NAV2: variants seen among roughly 807,000 people sequenced by gnomAD.
NAV2 encodes the protein neuron navigator 2, also known as helicase, APC down-regulated 1.
NAV2 carries 54 observed loss-of-function variants against 223.2 expected under a neutral mutation model. That is an observed-to-expected ratio of 0.24 (90% confidence interval 0.19 to 0.30). NAV2 has a LOEUF of 0.30. Ranked by LOEUF, NAV2 falls within the 10% of genes least tolerant of loss-of-function variation. The probability of loss-of-function intolerance (pLI) is 1.00; values close to 1 mark genes in which losing one functional copy is unlikely to be tolerated. For synonymous variants in NAV2, 1,279 were observed against 1,239.3 expected, an observed-to-expected ratio of 1.03 and a Z score of -0.67; for missense variants, 2,806 against 3,147.5, an observed-to-expected ratio of 0.89 and a Z score of 2.60.
chr11:19,441,438 A>T (rs1423604078), intron 1 of NAV2, among the ~76,000 whole-genome samples: 1 of 140,892 alleles, frequency 7.1e-6, no homozygotes, highest in Non-Finnish European at 1.5e-5. Context: ...GGACACACAC[A>T]CACACACACG....
At chr11:19,550,201 A>G (rs767956176) in intron 1 of NAV2, among the ~76,000 whole-genome samples, 36 of 152,378 alleles carry the variant, frequency 2.4e-4, no homozygotes, top group Admixed American at 1.3e-3. Flanking sequence ...TGACAAAACA[A>G]TATCTAAAGG....
intron 1 of NAV2, among the ~76,000 whole-genome samples, chr11:19,375,909 T>C (rs953507055): frequency 6.6e-6 from 1 of 152,220 alleles, no homozygotes; most frequent in African/African-American, 2.4e-5. Flanking sequence ...AATATCATTA[T>C]AAATATCTTG....
chr11:19,635,160 AGCAGTATC>A (rs1297760709), intron 1 of NAV2, among the ~76,000 whole-genome samples: 3 of 152,210 alleles, frequency 2.0e-5, no homozygotes, highest in African/African-American at 7.2e-5. Context: ...GTGAATATAT[AGCAGTATC>A]GCAGGAAGTG....
At position 19,441,499 on chromosome 11, in the gene NAV2, T is replaced by C. The variant is rs941917485; in HGVS notation, c.75+90472T>C. On this transcript the variant is annotated intron_variant, in intron 1 of 37. Transcript: ENST00000360655. ...CCTTCAACAGGCTGACAATGCCCTG[T>C]GTACAGATAGCAGTAAGAGCATGAA... is the stretch of plus-strand genomic sequence containing the variant. Among the ~76,000 whole-genome samples the C allele has an allele frequency of 3.3e-5, 5 of 151,906 alleles. No individual in the cohort carries two copies. The East Asian group carries it at 9.6e-4, about 29-fold the overall frequency.
intron 8 of NAV2, among the ~76,000 whole-genome samples, chr11:19,944,938 C>G (rs1310721964): frequency 7.0e-6 from 1 of 143,744 alleles, no homozygotes; most frequent in Non-Finnish European, 1.5e-5. Context: ...TTTTCTTCCC[C>G]TTTCCCCTTT....
At chr11:20,075,408 T>C (rs923354278) in intron 22 of NAV2, among the ~76,000 whole-genome samples, 1 of 137,384 alleles carries the variant, frequency 7.3e-6, no homozygotes, top group African/African-American at 2.8e-5. Context: ...TTTGTTTGTT[T>C]GTTTTTGTAT....
rs1221334182 is a variant in NAV2, at chr11:19,977,798, C to CTTTTTTTTT, written c.2646-6312_2646-6304dup. On this transcript the variant is annotated intron_variant, in intron 10 of 37. Transcript: ENST00000349880. ...TCTTTTCAGAGAGGTCAACTTTTTT[C>CTTTTTTTTT]TTTTTTTTTTTTTTTTTTTTTTTGA... is the stretch of plus-strand genomic sequence containing the variant. 6.7e-4 allele frequency among the ~76,000 whole-genome samples: 61 copies of CTTTTTTTTT among 90,748 alleles called. 1 individual carries two copies. The highest frequency in any genetic ancestry group is 8.1e-4 in the Non-Finnish European group (37 of 45,440). 59.5% of individuals were successfully genotyped at this position (90,748 alleles called of 152,430 possible). A position where few individuals can be genotyped will look rare whatever the true frequency, so the allele number is the denominator to read the frequency against.
At chr11:19,410,997 T>A (rs1346333577) in intron 1 of NAV2, among the ~76,000 whole-genome samples, 1 of 152,186 alleles carries the variant, frequency 6.6e-6, no homozygotes, top group Non-Finnish European at 1.5e-5. Context: ...GGGACACCTC[T>A]GTTGCATGGG....
chr11:19,618,492 AGATGGATGGATGGATGGATG>A (rs72080375), intron 1 of NAV2, among the ~76,000 whole-genome samples: 8 of 137,000 alleles, frequency 5.8e-5, no homozygotes, highest in Non-Finnish European at 1.1e-4. Flanking sequence ...CTGTCTGGAT[AGATGGATGGATGGATGGATG>A]GATGGATGGA....
chr11:20,056,532 TC>T (rs762048605), intron 19 of NAV2: 1 of 1,607,240 alleles, frequency 6.2e-7, no homozygotes, highest in Non-Finnish European at 8.5e-7. Context: ...TTAATCAGAA[TC>T]ATGGGAGAAA....
intron 1 of NAV2, among the ~76,000 whole-genome samples, chr11:19,461,418 T>C (rs1852155192): frequency 6.6e-6 from 1 of 152,076 alleles, no homozygotes; most frequent in Non-Finnish European, 1.5e-5. Context: ...AAAGAAGAGG[T>C]TTGGGACTTG....
At chr11:20,094,985 A>T (rs28558094) in intron 29 of NAV2, among the ~76,000 whole-genome samples, 1,867 of 152,372 alleles carry the variant, frequency 0.012, 54 homozygotes, top group African/African-American at 0.043. Context: ...GTGAACAGAG[A>T]TGCAAAAGAG....
At chr11:19,599,062 G>A (rs2046287146) in intron 1 of NAV2, among the ~76,000 whole-genome samples, 1 of 152,222 alleles carries the variant, frequency 6.6e-6, no homozygotes, top group Non-Finnish European at 1.5e-5. Flanking sequence ...GCCTAGGACT[G>A]TGGCCCAGGC....
chr11:19,442,466 G>C (rs1742629185), intron 1 of NAV2, among the ~76,000 whole-genome samples: 2 of 152,262 alleles, frequency 1.3e-5, no homozygotes, highest in African/African-American at 4.8e-5. Context: ...ACTCAACACA[G>C]AGGAGGGCTT....
At chr11:19,358,462 T>C (rs928346423) in intron 1 of NAV2, among the ~76,000 whole-genome samples, 1 of 152,180 alleles carries the variant, frequency 6.6e-6, no homozygotes, top group African/African-American at 2.4e-5. Flanking sequence ...TGGGCTTGGA[T>C]GTACAGGGGA....
chr11:19,939,708 C>G lies in NAV2; in HGVS notation c.2081C>G (p.Thr694Arg). 1 of 1,614,140 alleles carries G rather than the reference C, an allele frequency of 6.2e-7. No homozygotes were observed. The highest frequency in any genetic ancestry group is 1.1e-5 in the South Asian group (1 of 91,074). ...AATGTTACTGCCGAGTCAAGCTCAA[C>G]AGGTGTGAGCGTGGAGCCCAGCCAC... ...EGNVTAESSS[T>R]GVSVEPSHFT... is the part of the protein sequence containing the mutation. The change falls in exon 8 of 38, where the codon ACA becomes AGA. Residue 694 changes from threonine (T) to arginine (R), a missense_variant. By Grantham distance (71) the Thr-to-Arg change is moderately conservative (BLOSUM62 -1). Coordinates refer to ENST00000349880, the MANE Select transcript of NAV2 (RefSeq NM_145117.5).
chr11:20,017,595 T>A (rs2584851), intron 11 of NAV2, among the ~76,000 whole-genome samples: 2,631 of 152,328 alleles, frequency 0.017, 76 homozygotes, highest in African/African-American at 0.06. Context: ...AAGAGCTCTG[T>A]CAGGACTGGG....
chr11:19,677,507 G>A (rs899459335), intron 1 of NAV2, among the ~76,000 whole-genome samples: 1 of 152,226 alleles, frequency 6.6e-6, no homozygotes, highest in Non-Finnish European at 1.5e-5. Flanking sequence ...AGAGGGTCGG[G>A]CCTTGCCCAA....
intron 1 of NAV2, among the ~76,000 whole-genome samples, chr11:19,718,408 A>T (rs573624485): frequency 6.6e-6 from 1 of 152,320 alleles, no homozygotes; most frequent in African/African-American, 2.4e-5. Context: ...TTCAAGTTGC[A>T]CCTAGTTTTT....
Sources: allele counts gnomAD v4.1 joint callset (sites outside exome capture counted in the v4.1 genomes callset), GRCh38; gene constraint gnomAD v4.1.1; transcripts MANE v1.5; gene names NCBI Gene and HGNC (gene_info 2026-07-23, HGNC 2026-07-21).